Variants in AVEN observed in about 807,000 individuals in gnomAD.
AVEN encodes the protein apoptosis and caspase activation inhibitor, also known as cell death regulator Aven.
In AVEN, 41 loss-of-function variants were observed where a neutral mutation model predicts 38.1. That is an observed-to-expected ratio of 1.08 (90% CI 0.84 to 1.40). The LOEUF is 1.40. Ranked by LOEUF, AVEN falls within the 40% of genes most tolerant of loss-of-function variation. The pLI is 0.00. For synonymous variants in AVEN, 206 were observed against 171.8 expected (o/e 1.20, Z -1.56); for missense variants, 605 against 438.8 (o/e 1.38, Z -3.38).
chr15:33,935,544 A>G (rs8032665), intron 2 of AVEN, among the ~76,000 whole-genome samples: 6 of 151,936 alleles, frequency 3.9e-5, no homozygotes, highest in East Asian at 1.9e-4. Context: ...ATGTGTGTGT[A>G]TATATATATG....
chr15:33,864,212 C>T (rs368093331), downstream of AVEN: 9 of 1,584,490 alleles, frequency 5.7e-6, no homozygotes, highest in Admixed American at 8.6e-5. Flanking sequence ...GAATCATATA[C>T]CCGTGTTAGA....
intron 2 of AVEN, among the ~76,000 whole-genome samples, chr15:33,977,106 T>C (rs918232017): frequency 2.0e-5 from 3 of 152,166 alleles, no homozygotes; most frequent in Non-Finnish European, 4.4e-5. Flanking sequence ...ACCAAGGAGA[T>C]AGGAAGGTTG....
chr15:33,904,694 A>AAATAT (rs1464894437), intron 2 of AVEN, among the ~76,000 whole-genome samples: 18 of 112,758 alleles, frequency 1.6e-4, no homozygotes, highest in South Asian at 8.4e-4. Flanking sequence ...AAAAAAAAAA[A>AAATAT]ATATATATAT....
chr15:34,002,829 A>G (rs777716679), intron 2 of AVEN, among the ~76,000 whole-genome samples: 6 of 152,190 alleles, frequency 3.9e-5, no homozygotes, highest in Non-Finnish European at 7.4e-5. Context: ...GTCATTCTAC[A>G]TCGGTACATG....
At chr15:34,013,991 G>C (rs8033305) in intron 1 of AVEN, among the ~76,000 whole-genome samples, 21,865 of 152,056 alleles carry the variant, frequency 0.14, 2,230 homozygotes, top group African/African-American at 0.28. Flanking sequence ...TATTAGCAAA[G>C]AACGTGCTTC....
chr15:34,063,150 A>G lies in AVEN; in HGVS notation n.1409T>C, dbSNP rs369937575. The stretch of plus-strand genomic sequence containing the variant: ...GACATATCGGGCCAAGCGTACTCCG[A>G]AAAGGGCTGGCATCATGATTGGCTT... On this transcript the variant is annotated non_coding_transcript_exon_variant, in exon 5 of 12. Coordinates refer to the AVEN transcript ENST00000675287. This position sits in a 1 kb window ranked among gnomAD's most constrained non-coding sequence, Gnocchi z 4.1. The G allele has an allele frequency of 6.2e-7, 1 of 1,614,140 alleles. No individual in the cohort carries two copies. The highest frequency in any genetic ancestry group is 1.3e-5 in the African/African-American group (1 of 75,026).
intron 2 of AVEN, among the ~76,000 whole-genome samples, chr15:33,984,789 T>A (rs1371444263): frequency 6.6e-6 from 1 of 152,080 alleles, no homozygotes; most frequent in Non-Finnish European, 1.5e-5. Context: ...GAGACAAACG[T>A]TAGTAGCAAA....
At chr15:33,881,049 A>G (rs1258913391) in intron 2 of AVEN, among the ~76,000 whole-genome samples, 1 of 152,226 alleles carries the variant, frequency 6.6e-6, no homozygotes, top group African/African-American at 2.4e-5. Context: ...AGGCTTTTAA[A>G]AATCCTTACA....
intron 2 of AVEN, among the ~76,000 whole-genome samples, chr15:33,892,441 A>T (rs1410975053): frequency 6.6e-6 from 1 of 152,060 alleles, no homozygotes; most frequent in Non-Finnish European, 1.5e-5. Flanking sequence ...AGCTTTCTAC[A>T]TATGGCTAGC....
At position 34,038,803 on chromosome 15, in the gene AVEN, A is replaced by G; in HGVS notation, c.244T>C (p.Trp82Arg). Residue 82 changes from tryptophan to arginine, a missense_variant, in exon 1 of 6, where the codon TGG becomes CGG. Physicochemically the swap from Trp to Arg is moderately radical, Grantham distance 101. Coordinates refer to ENST00000306730, the MANE Select transcript of AVEN (RefSeq NM_020371.3). ...PRGSRREPGGWGAGASAPVED... is the reference protein window; with the variant it reads ...PRGSRREPGGRGAGASAPVED... The stretch of plus-strand genomic sequence containing the variant: ...ACCGGCGCGCTGGCCCCTGCGCCCC[A>G]GCCTCCCGGCTCCCGGCGGCTGCCT... 8 of 1,192,520 alleles carry G rather than the reference A, an allele frequency of 6.7e-6. No individual in the cohort carries two copies. Among genetic ancestry groups the G allele is most frequent in the Non-Finnish European group, 8.3e-6 (8 of 962,250 alleles). The allele number at this position is 1,192,520 out of a possible 1,614,324, so 73.9% of individuals were successfully genotyped here. A position where few individuals can be genotyped will look rare whatever the true frequency, so the allele number is the denominator to read the frequency against.
chr15:33,889,697 A>G (rs1417475287), intron 2 of AVEN, among the ~76,000 whole-genome samples: 1 of 152,254 alleles, frequency 6.6e-6, no homozygotes, highest in African/African-American at 2.4e-5. Context: ...TTAAATGGGC[A>G]AATGACATAC....
intron 11 of AVEN, chr15:33,860,601 T>G: frequency 1.3e-6 from 2 of 1,583,888 alleles, no homozygotes; most frequent in Non-Finnish European, 8.6e-7. Flanking sequence ...CCAGGTCTTA[T>G]TATTGATGCT....
intron 2 of AVEN, among the ~76,000 whole-genome samples, chr15:33,946,600 T>C (rs1894516605): frequency 6.6e-6 from 1 of 152,054 alleles, no homozygotes; most frequent in African/African-American, 2.4e-5. Flanking sequence ...ATGACTGCTA[T>C]GGCGCAAGAG....
In AVEN at chr15:33,866,782, T is replaced by C. The variant is rs1890572621; in HGVS notation, c.974-54A>G. ...CTCAGATGAGTCCTAAAATTGAAGG[T>C]ATAATTCAGCCCAATTTATTACTTT... On this transcript the variant is annotated intron_variant, in intron 5 of 5. Coordinates refer to ENST00000306730, the MANE Select transcript of AVEN (RefSeq NM_020371.3). The C allele has an allele frequency of 6.2e-6, 8 of 1,293,830 alleles. No individual in the cohort carries two copies. In the Middle Eastern group the frequency reaches 9.2e-4, roughly 149 times the overall value. 80.1% of individuals were successfully genotyped at this position (1,293,830 alleles called of 1,614,324 possible).
chr15:34,033,914 A>G (rs1032115457), intron 1 of AVEN, among the ~76,000 whole-genome samples: 8 of 152,174 alleles, frequency 5.3e-5, no homozygotes, highest in Non-Finnish European at 1.2e-4. Flanking sequence ...CAGCCTCCCA[A>G]GTAGCTGGGA....
At chr15:33,962,313 C>T (rs2140474132) in intron 2 of AVEN, among the ~76,000 whole-genome samples, 1 of 152,322 alleles carries the variant, frequency 6.6e-6, no homozygotes, top group Admixed American at 6.5e-5. Context: ...CACAGCCCAT[C>T]TTGTTCAATA....
intron 1 of AVEN, among the ~76,000 whole-genome samples, chr15:34,022,158 T>G (rs2702284): frequency 0.63 from 95,375 of 152,202 alleles, 34,915 homozygotes; most frequent in Non-Finnish European, 0.82. Flanking sequence ...CTAGCTGAAC[T>G]GCTTTCTATT....
At chr15:33,856,960 G>C (rs1254133442), downstream of AVEN, among the ~76,000 whole-genome samples, 1 of 152,062 alleles carries the variant, frequency 6.6e-6, no homozygotes, top group Non-Finnish European at 1.5e-5. Context: ...TGCCCGGCCT[G>C]GGGTTTTTTA....
rs976858100 is a variant in AVEN at position 34,039,136 on chromosome 15, C to G, written c.-90G>C. On this transcript the variant is annotated 5_prime_UTR_variant, in exon 1 of 6. Transcript: ENST00000306730. Reference sequence around the variant, plus strand: ...CCGGAAGCGGGCCGCACGGAGGAGCCGCGAGCGAAAGGCGCCCGGTAGCAG... The same window carrying G: ...CCGGAAGCGGGCCGCACGGAGGAGCGGCGAGCGAAAGGCGCCCGGTAGCAG... The G allele has an allele frequency of 5.8e-6, 6 of 1,028,616 alleles. No individual in the cohort carries two copies. Among genetic ancestry groups the G allele is most frequent in the Non-Finnish European group, 7.0e-6 (6 of 855,710 alleles). 63.7% of individuals were successfully genotyped at this position (1,028,616 alleles called of 1,614,324 possible). A position where few individuals can be genotyped will look rare whatever the true frequency, so the allele number is the denominator to read the frequency against.
Sources: gnomAD v4.1 joint callset for allele counts (sites outside exome capture counted in the v4.1 genomes callset) on GRCh38, gnomAD v4.1.1 for gene constraint, Gnocchi (gnomAD v3.1) non-coding constraint, MANE v1.5 for transcripts, NCBI Gene and HGNC (gene_info 2026-07-23, HGNC 2026-07-21) for gene names.